Variants in CLEC17A observed in about 807,000 individuals in gnomAD.
CLEC17A encodes C-type lectin domain family 17, member A.
CLEC17A carries 37 observed loss-of-function variants against 61.3 expected under a neutral mutation model. That is an observed-to-expected ratio of 0.60 (90% CI 0.46 to 0.79). The LOEUF is 0.79. Among genes scored for constraint, CLEC17A ranks in the 30% least tolerant of loss-of-function variants. CLEC17A has a pLI of 0.00. For synonymous variants in CLEC17A, 168 were observed against 164.9 expected, an observed-to-expected ratio of 1.02 and a Z score of -0.14; for missense variants, 418 against 464.7, an observed-to-expected ratio of 0.90 and a Z score of 0.92.
upstream of CLEC17A, among the ~76,000 whole-genome samples, chr19:14,582,535 T>C (rs1795980326): frequency 6.6e-6 from 1 of 152,034 alleles, no homozygotes; most frequent in South Asian, 2.1e-4. Context: ...AAGGCCCACC[T>C]AGGTAATCCA....
At chr19:14,586,122 C>CTTT in intron 2 of CLEC17A, among the ~76,000 whole-genome samples, 1 of 137,416 alleles carries the variant, frequency 7.3e-6, no homozygotes, top group African/African-American at 2.8e-5. Context: ...AATTTCTTTA[C>CTTT]TTTTTTTTTT....
rs576779584 is a variant in CLEC17A, at chr19:14,609,608, C to T, written c.1005-456C>T. On this transcript the variant is annotated intron_variant, in intron 13 of 13. Coordinates refer to ENST00000417570, the MANE Select transcript of CLEC17A (RefSeq NM_001204118.2). The stretch of plus-strand genomic sequence containing the variant: ...ATCCTAGCACTTTGGGAGGCTGAGG[C>T]GGGCGGATCACTTGAGGTCAGGAGT... Among the ~76,000 whole-genome samples, 5 of 147,044 alleles carry T rather than the reference C, an allele frequency of 3.4e-5. No homozygotes were observed. The South Asian group carries it at 6.5e-4, about 19-fold the overall frequency.
rs2074203849 is a variant in CLEC17A at position 14,583,148 on chromosome 19, C to G, written c.-13C>G. On this transcript the variant is annotated 5_prime_UTR_variant, in exon 1 of 14. Transcript: ENST00000417570. ...AGCCCTGGCTGCCACTTGTCAGGTT[C>G]CCTGTGCTAGACATGCATAATCTGT... 2.5e-6 allele frequency: 4 copies of G among 1,613,990 alleles called. No individual in the cohort carries two copies. In the East Asian group the frequency reaches 8.9e-5, roughly 36 times the overall value.
Position 14,607,073 on chromosome 19 carries a change from G to T in CLEC17A, c.975G>T (p.Arg325Ser). The change falls in exon 13 of 14, where the codon AGG (arginine) becomes AGT (serine). Residue 325 changes from arginine to serine, a missense_variant. Arg to Ser is a moderately radical substitution (Grantham distance 110). Transcript: ENST00000417570. ...ACAGGGCCCAGGAAGGGGACTGGAGGTGGCTGGATGGGTCTCCTGTGACAT... is the reference window on the plus strand; with the variant it reads ...ACAGGGCCCAGGAAGGGGACTGGAGTTGGCTGGATGGGTCTCCTGTGACAT... ...LNDRAQEGDW[R>S]WLDGSPVTLS... 7.5e-7 allele frequency: 1 copy of T among 1,336,628 alleles called. No individual in the cohort carries two copies. The highest frequency in any genetic ancestry group is 9.6e-7 in the Non-Finnish European group (1 of 1,036,542). 82.8% of individuals were successfully genotyped at this position (1,336,628 alleles called of 1,614,324 possible).
chr19:14,590,839 C>A (rs1272449500), intron 3 of CLEC17A, among the ~76,000 whole-genome samples: 1 of 151,688 alleles, frequency 6.6e-6, no homozygotes, highest in East Asian at 1.9e-4. Flanking sequence ...GTGTGCACCA[C>A]CATGCCTGGA....
At chr19:14,587,433 T>A (rs765214869) in intron 2 of CLEC17A, among the ~76,000 whole-genome samples, 181 bp from the exon 3 acceptor site, 8 of 152,118 alleles carry the variant, frequency 5.3e-5, no homozygotes, top group Admixed American at 5.2e-4. Flanking sequence ...CAACCTGTAT[T>A]CTATCTCTGG....
intron 10 of CLEC17A, 189 bp from the exon 11 acceptor site, chr19:14,599,528 C>T (rs995635582): frequency 1.5e-6 from 1 of 662,318 alleles, no homozygotes. Context: ...CGGGATTGAT[C>T]CCTCCTCTGA....
At chr19:14,606,146 T>C (rs1186985595) in intron 12 of CLEC17A, among the ~76,000 whole-genome samples, 1 of 151,574 alleles carries the variant, frequency 6.6e-6, no homozygotes, top group African/African-American at 2.4e-5. Flanking sequence ...GGCTACCGAG[T>C]AGCACAAAAG....
At position 14,611,187 on chromosome 19, in the gene CLEC17A, T is replaced by C. The variant is rs1359206201; in HGVS notation, c.*991T>C. Reference sequence around the variant, plus strand: ...AGCGGAGAAGACAGGAGAGCTTCTATATTCACCCCATGTCGTCCTCTCCAG... The same window carrying C: ...AGCGGAGAAGACAGGAGAGCTTCTACATTCACCCCATGTCGTCCTCTCCAG... On this transcript the variant is annotated 3_prime_UTR_variant, in exon 14 of 14. Transcript: ENST00000417570. 1.3e-5 allele frequency: 2 copies of C among 151,972 alleles called. No individual in the cohort carries two copies. Among genetic ancestry groups the C allele is most frequent in the African/African-American group, 2.4e-5 (1 of 41,380 alleles). 9.4% of individuals were successfully genotyped at this position (151,972 alleles called of 1,614,324 possible). A position where few individuals can be genotyped will look rare whatever the true frequency, so the allele number is the denominator to read the frequency against.
intron 3 of CLEC17A, among the ~76,000 whole-genome samples, chr19:14,591,960 C>T (rs1421577151): frequency 6.8e-6 from 1 of 148,036 alleles, no homozygotes. Context: ...GGGGCTTCCC[C>T]CCAAGATGGA....
chr19:14,610,230 G>T lies in CLEC17A; in HGVS notation c.*34G>T. On this transcript the variant is annotated 3_prime_UTR_variant, in exon 14 of 14. Transcript: ENST00000417570. ...GCCGAGGCTGGGGGTCCATATCTGA[G>T]TGTCTCTTTGAGATGAGAATCTCCT... 1 of 1,546,470 alleles carries T rather than the reference G, an allele frequency of 6.5e-7. No homozygotes were observed. The highest frequency in any genetic ancestry group is 8.7e-7 in the Non-Finnish European group (1 of 1,147,232).
intron 8 of CLEC17A, among the ~76,000 whole-genome samples, chr19:14,595,717 T>C (rs914442162): frequency 2.6e-5 from 4 of 151,216 alleles, no homozygotes; most frequent in African/African-American, 7.3e-5. Context: ...GTGGAGATAC[T>C]GATGATGGTG....
At position 14,599,795 on chromosome 19, in the gene CLEC17A, AACTTTGGGG is replaced by A; in HGVS notation, c.726_734del (p.Glu242_Gly245delinsAsp). ...GCTGACACCAACCAGTCCCTGGTGG[AACTTTGGGG>A]CTTATTAGGTAAGTGAGACTTGGGG... On this transcript the variant is annotated inframe_deletion, in exon 11 of 14. Coordinates refer to ENST00000417570, the MANE Select transcript of CLEC17A (RefSeq NM_001204118.2). 1.9e-6 allele frequency: 3 copies of A among 1,613,632 alleles called. No homozygotes were observed. The highest frequency in any genetic ancestry group is 2.5e-6 in the Non-Finnish European group (3 of 1,179,708).
At chr19:14,589,158 T>C (rs1476285831) in intron 3 of CLEC17A, among the ~76,000 whole-genome samples, 1 of 150,110 alleles carries the variant, frequency 6.7e-6, no homozygotes, top group Non-Finnish European at 1.5e-5. Context: ...TGGCAAGGAC[T>C]CTGTTCTTCA....
At position 14,597,032 on chromosome 19, in the gene CLEC17A, G is replaced by A; in HGVS notation, c.583+19G>A. 6.2e-7 allele frequency: 1 copy of A among 1,610,718 alleles called. No individual in the cohort carries two copies. The highest frequency in any genetic ancestry group is 8.5e-7 in the Non-Finnish European group (1 of 1,178,454). ...ATTAAGTGTGAGTAGGGCCAGGAAG[G>A]GACATGGGGAGAGATTGGGGAGGGT... On this transcript the variant is annotated intron_variant, in intron 9 of 13. Transcript: ENST00000417570.
At chr19:14,596,557 C>T (rs1470797139) in intron 8 of CLEC17A, among the ~76,000 whole-genome samples, 3 of 152,114 alleles carry the variant, frequency 2.0e-5, no homozygotes, top group African/African-American at 7.2e-5. Flanking sequence ...TTGCTTGAGC[C>T]CAGGCATTAG....
At chr19:14,607,615 G>A (rs963471445) in intron 13 of CLEC17A, among the ~76,000 whole-genome samples, 1 of 150,454 alleles carries the variant, frequency 6.6e-6, no homozygotes, top group African/African-American at 2.5e-5. Flanking sequence ...TCTCGCTGTC[G>A]CTCAGGCTGG....
rs796835309 is a variant in CLEC17A, at chr19:14,599,079, C to CTTTTTT, written c.647-617_647-612dup. On this transcript the variant is annotated intron_variant, in intron 10 of 13. Coordinates refer to ENST00000417570, the MANE Select transcript of CLEC17A (RefSeq NM_001204118.2). ...CAACATACTTGCCTCTGTATCTTTG[C>CTTTTTT]TTTTTTTTTTTTTTTTTTTTTTTTT... Among the ~76,000 whole-genome samples the CTTTTTT allele has an allele frequency of 3.5e-4, 20 of 56,942 alleles. 4 individuals are homozygous for CTTTTTT. Among genetic ancestry groups the CTTTTTT allele is most frequent in the Non-Finnish European group, 2.6e-4 (8 of 30,508 alleles). 37.4% of individuals were successfully genotyped at this position (56,942 alleles called of 152,430 possible).
chr19:14,585,675 A>G (rs1279803254), intron 2 of CLEC17A, among the ~76,000 whole-genome samples: 1 of 147,076 alleles, frequency 6.8e-6, no homozygotes, highest in Non-Finnish European at 1.5e-5. Flanking sequence ...ACCAACAGCC[A>G]TGTGAGTGCA....
Sources: allele counts gnomAD v4.1 joint callset (sites outside exome capture counted in the v4.1 genomes callset), GRCh38; gene constraint gnomAD v4.1.1; transcripts MANE v1.5; gene names NCBI Gene and HGNC (gene_info 2026-07-23, HGNC 2026-07-21).